Variants in ARIH1 observed in about 807,000 individuals in gnomAD.
ARIH1 encodes the protein ariadne RBR E3 ubiquitin protein ligase 1, also known as E3 ubiquitin-protein ligase ARIH1.
In ARIH1, 8 loss-of-function variants were observed where a neutral mutation model predicts 85.0. The ratio of observed to expected loss-of-function variants is 0.09; its 90% CI spans 0.06 to 0.17. The LOEUF (loss-of-function observed/expected upper bound fraction) is 0.17, where lower values mean the gene tolerates loss of function less well. ARIH1 is among the 10% of genes least tolerant of loss of function. The pLI is 1.00. For missense variants in ARIH1, 311 were observed against 718.1 expected (o/e 0.43, Z 6.48); for synonymous variants, 238 against 253.6 (o/e 0.94, Z 0.59).
Position 72,555,840 on chromosome 15 carries a change from A to C in ARIH1, c.682-12A>C. The C allele has an allele frequency of 6.2e-7, 1 of 1,610,990 alleles. No homozygotes were observed. Among genetic ancestry groups the C allele is most frequent in the Non-Finnish European group, 8.5e-7 (1 of 1,177,682 alleles). On this transcript the variant is annotated splice_polypyrimidine_tract_variant and intron_variant, in intron 4 of 13. Coordinates refer to ENST00000379887, the MANE Select transcript of ARIH1 (RefSeq NM_005744.5). ...GTTGAATGAAGACAGTTTAAATTTCAATCTTTTTCAGACTATTTCGTGTCC... is the reference window on the plus strand; with the variant it reads ...GTTGAATGAAGACAGTTTAAATTTCCATCTTTTTCAGACTATTTCGTGTCC...
At chr15:72,538,292 A>T (rs970588452) in intron 2 of ARIH1, among the ~76,000 whole-genome samples, 2 of 152,114 alleles carry the variant, frequency 1.3e-5, no homozygotes, top group Non-Finnish European at 2.9e-5. Context: ...TGAACCCGGG[A>T]GGTGGAAGTT....
intron 5 of ARIH1, among the ~76,000 whole-genome samples, chr15:72,556,155 T>C (rs757130883): frequency 6.6e-6 from 1 of 152,052 alleles, no homozygotes; most frequent in Non-Finnish European, 1.5e-5. Context: ...TTAGAATGTG[T>C]GTATGTGTTA....
Position 72,555,354 on chromosome 15 carries a change from C to T in ARIH1, c.672C>T (p.Gly224=), listed in dbSNP as rs774175179. Residue 224 remains glycine (G), a synonymous_variant, in exon 4 of 14, where the codon GGC becomes GGT. Transcript: ENST00000379887. ...TAACTACCAAAATAATGGAAGAAGG[C>T]ATGGGTCAGGTAAAGATATCAAGTT... ...EYLTTKIMEE[G]MGQTISCPAH... is the part of the protein sequence containing the mutation. 6.2e-7 allele frequency: 1 copy of T among 1,610,592 alleles called. No homozygotes were observed.
At chr15:72,580,148 C>T (rs1262391381) in intron 11 of ARIH1, among the ~76,000 whole-genome samples, 1 of 151,458 alleles carries the variant, frequency 6.6e-6, no homozygotes, top group Admixed American at 6.6e-5. Context: ...TCTGTGAGTT[C>T]AACTTTTTTA....
intron 2 of ARIH1, among the ~76,000 whole-genome samples, chr15:72,525,258 A>G (rs1297284553): frequency 1.3e-5 from 2 of 152,220 alleles, no homozygotes; most frequent in Non-Finnish European, 2.9e-5. Flanking sequence ...TTTCGTTTAT[A>G]ACATTTACAA....
At chr15:72,551,826 C>T in intron 3 of ARIH1, among the ~76,000 whole-genome samples, 1 of 152,038 alleles carries the variant, frequency 6.6e-6, no homozygotes, top group East Asian at 1.9e-4. Context: ...CAAAATATAT[C>T]AAGAGAGTAT....
intron 1 of ARIH1, among the ~76,000 whole-genome samples, chr15:72,490,313 C>A (rs1278990219): frequency 2.0e-5 from 3 of 152,064 alleles, no homozygotes; most frequent in Non-Finnish European, 4.4e-5. Flanking sequence ...CAGGAGTTCC[C>A]AATCCTCAGG....
intron 7 of ARIH1, among the ~76,000 whole-genome samples, chr15:72,563,922 G>A (rs1033144470): frequency 1.3e-5 from 2 of 152,000 alleles, no homozygotes; most frequent in African/African-American, 2.4e-5. Context: ...GGCTCCTCTC[G>A]CCCAGCTTTC....
chr15:72,474,747 C>A lies in ARIH1; in HGVS notation c.108C>A (p.Asp36Glu). ...EEEDEDDDEP[D>E]DDTLDLGEVE... is the part of the protein sequence containing the mutation. ...AGGACGAAGACGACGACGAGCCGGACGATGATACCCTGGATCTGGGCGAGG... is the reference window on the plus strand; with the variant it reads ...AGGACGAAGACGACGACGAGCCGGAAGATGATACCCTGGATCTGGGCGAGG... The change falls in exon 1 of 14, where the codon GAC (aspartate) becomes GAA (glutamate). Residue 36 changes from aspartate (D) to glutamate (E), a missense_variant. Coordinates refer to ENST00000379887, the MANE Select transcript of ARIH1 (RefSeq NM_005744.5). 1.9e-6 allele frequency: 3 copies of A among 1,557,590 alleles called. No individual in the cohort carries two copies. Among genetic ancestry groups the A allele is most frequent in the South Asian group, 1.2e-5 (1 of 85,040 alleles).
chr15:72,497,354 A>G (rs2063884101), intron 1 of ARIH1, among the ~76,000 whole-genome samples: 1 of 152,218 alleles, frequency 6.6e-6, no homozygotes, highest in South Asian at 2.1e-4. Flanking sequence ...TGACATCACT[A>G]TGAGGAAGAT....
intron 1 of ARIH1, among the ~76,000 whole-genome samples, chr15:72,510,745 AAAAAAAAAAAAAAAAAAAAAAAAAAG>A (rs2063947077): frequency 7.6e-6 from 1 of 131,730 alleles, no homozygotes; most frequent in South Asian, 2.3e-4. Context: ...TCAAAAAAAA[AAAAAAAAAAAAAAAAAAAAAAAAAAG>A]ACTTTTTCCC....
chr15:72,501,167 A>T (rs2063901831), intron 1 of ARIH1, among the ~76,000 whole-genome samples: 1 of 152,196 alleles, frequency 6.6e-6, no homozygotes, highest in Non-Finnish European at 1.5e-5. Context: ...CTTAAAGGAT[A>T]CAGGGGTATA....
At chr15:72,481,102 G>T (rs2063814856) in intron 1 of ARIH1, among the ~76,000 whole-genome samples, 1 of 152,184 alleles carries the variant, frequency 6.6e-6, no homozygotes, top group African/African-American at 2.4e-5. Flanking sequence ...GTGTTTTGAA[G>T]TTATTAAAGT....
rs2064302132 is a variant in ARIH1 at position 72,583,327 on chromosome 15, T to C, written c.*35T>C. 7 of 1,562,194 alleles carry C rather than the reference T, an allele frequency of 4.5e-6. 1 individual carries two copies. The South Asian group carries it at 6.7e-5, about 15-fold the overall frequency. ...TGCATAAAATGAACTCTGAAAACTT[T>C]ACCATCTAGAGTGCTCATGCAATTA... is the stretch of plus-strand genomic sequence containing the variant. On this transcript the variant is annotated 3_prime_UTR_variant, in exon 14 of 14. Coordinates refer to ENST00000379887, the MANE Select transcript of ARIH1 (RefSeq NM_005744.5).
intron 1 of ARIH1, among the ~76,000 whole-genome samples, chr15:72,501,100 T>G (rs781189333): frequency 4.0e-4 from 61 of 152,208 alleles, no homozygotes; most frequent in Non-Finnish European, 7.4e-4. Flanking sequence ...ATTTTGAGAA[T>G]AATTGATAGA....
Position 72,474,609 on chromosome 15 carries a change from C to A in ARIH1, c.-31C>A, listed in dbSNP as rs774572607. The A allele has an allele frequency of 1.9e-5, 28 of 1,499,528 alleles. No homozygotes were observed. In the South Asian group the frequency reaches 3.0e-4, roughly 16 times the overall value. 92.9% of individuals were successfully genotyped at this position (1,499,528 alleles called of 1,614,324 possible). A position where few individuals can be genotyped will look rare whatever the true frequency, so the allele number is the denominator to read the frequency against. ...GTCCCCGCCCTCTCCCCGCCTCGGC[C>A]AGCGTCCGCCGGGCCCCCGCGCGTC... On this transcript the variant is annotated 5_prime_UTR_variant, in exon 1 of 14. Coordinates refer to ENST00000379887, the MANE Select transcript of ARIH1 (RefSeq NM_005744.5).
At chr15:72,523,810 G>T (rs991407945) in intron 2 of ARIH1, among the ~76,000 whole-genome samples, 10 of 139,138 alleles carry the variant, frequency 7.2e-5, no homozygotes, top group Non-Finnish European at 1.4e-4. Flanking sequence ...AAAATAATAA[G>T]TTTTTTTTTT....
At chr15:72,519,628 C>T (rs904002472) in intron 2 of ARIH1, among the ~76,000 whole-genome samples, 19 of 151,452 alleles carry the variant, frequency 1.3e-4, no homozygotes, top group Admixed American at 9.2e-4. Flanking sequence ...GGATTACAGG[C>T]GCCCTCCACC....
chr15:72,565,057 A>G (rs1199810878), intron 7 of ARIH1, among the ~76,000 whole-genome samples: 1 of 151,932 alleles, frequency 6.6e-6, no homozygotes, highest in African/African-American at 2.4e-5. Context: ...GACCCAGCAA[A>G]TAGATTTTTT....
Sources: gnomAD v4.1 joint callset for allele counts (sites outside exome capture counted in the v4.1 genomes callset) on GRCh38, gnomAD v4.1.1 for gene constraint, MANE v1.5 for transcripts, NCBI Gene and HGNC (gene_info 2026-07-23, HGNC 2026-07-21) for gene names.